The following NAV2 variants were observed in gnomAD, a reference collection of about 807,000 sequenced individuals.
The protein encoded by NAV2 is helicase, APC down-regulated 1.
NAV2 carries 54 observed loss-of-function variants against 223.2 expected under a neutral mutation model. The ratio of observed to expected loss-of-function variants is 0.24; its 90% CI spans 0.19 to 0.30. NAV2 has a LOEUF of 0.30. Among genes scored for constraint, NAV2 ranks in the 10% least tolerant of loss-of-function variants. The pLI, the probability that NAV2 is intolerant of heterozygous loss-of-function variation, is 1.00. For missense variants in NAV2, 2,806 were observed against 3,147.5 expected (o/e 0.89, Z 2.60); for synonymous variants, 1,279 against 1,239.3 (o/e 1.03, Z -0.67).
At chr11:20,109,380 A>G (rs988448015) in intron 36 of NAV2, among the ~76,000 whole-genome samples, 2 of 152,248 alleles carry the variant, frequency 1.3e-5, no homozygotes, top group African/African-American at 4.8e-5. Flanking sequence ...CTTTCATACA[A>G]GAAGGTATGA....
At chr11:19,651,296 G>A (rs2047962687) in intron 1 of NAV2, among the ~76,000 whole-genome samples, 1 of 152,230 alleles carries the variant, frequency 6.6e-6, no homozygotes, top group African/African-American at 2.4e-5. Flanking sequence ...TAAGAGCAGA[G>A]AGATTAAATA....
intron 1 of NAV2, among the ~76,000 whole-genome samples, chr11:19,558,161 A>T (rs2044967647): frequency 6.6e-6 from 1 of 152,218 alleles, no homozygotes; most frequent in South Asian, 2.1e-4. Flanking sequence ...TGATATGAGG[A>T]CTAAATGAAT....
chr11:19,716,206 T>C (rs2050296262), intron 1 of NAV2, among the ~76,000 whole-genome samples: 1 of 152,164 alleles, frequency 6.6e-6, no homozygotes, highest in Non-Finnish European at 1.5e-5. Flanking sequence ...GGCCCCTGAC[T>C]CCCCTTTTAT....
intron 17 of NAV2, among the ~76,000 whole-genome samples, chr11:20,051,606 T>G (rs1260344016): frequency 6.6e-6 from 1 of 152,218 alleles, no homozygotes; most frequent in Admixed American, 6.5e-5. Flanking sequence ...CAAGGAGCAG[T>G]CATTACTGCT....
At chr11:19,788,493 G>A (rs2057300248) in intron 1 of NAV2, among the ~76,000 whole-genome samples, 1 of 152,082 alleles carries the variant, frequency 6.6e-6, no homozygotes, top group African/African-American at 2.4e-5. Context: ...TCATAGACGA[G>A]GACACCTTCA....
At chr11:19,512,093 C>T (rs1487185) in intron 1 of NAV2, among the ~76,000 whole-genome samples, 74,398 of 151,952 alleles carry the variant, frequency 0.49, 18,624 homozygotes, top group Admixed American at 0.59. Flanking sequence ...CCAAAGGAAA[C>T]AGATAAACTC....
At chr11:19,525,336 C>T (rs1321739153) in intron 1 of NAV2, among the ~76,000 whole-genome samples, 1 of 152,208 alleles carries the variant, frequency 6.6e-6, no homozygotes, top group Non-Finnish European at 1.5e-5. Flanking sequence ...AATGCTCAGG[C>T]TTTGCTGTGT....
At chr11:20,023,760 A>AT (rs2054767702) in intron 11 of NAV2, among the ~76,000 whole-genome samples, 1 of 148,814 alleles carries the variant, frequency 6.7e-6, no homozygotes, top group African/African-American at 2.5e-5. Context: ...GAGAGATGGC[A>AT]TGGGAGGTTT....
intron 1 of NAV2, among the ~76,000 whole-genome samples, chr11:19,611,753 T>C (rs925758562): frequency 4.6e-5 from 7 of 152,198 alleles, no homozygotes; most frequent in Non-Finnish European, 1.0e-4. Flanking sequence ...CCAGCTGCTT[T>C]CACAGGCTGA....
chr11:19,907,528 G>C (rs61877297), intron 6 of NAV2, among the ~76,000 whole-genome samples: 1 of 25,524 alleles, frequency 3.9e-5, no homozygotes, highest in African/African-American at 1.0e-4. Flanking sequence ...CACTCATAGG[G>C]GGAGGGGGAA....
intron 32 of NAV2, among the ~76,000 whole-genome samples, chr11:20,102,398 A>C (rs1258016880): frequency 1.3e-5 from 2 of 152,164 alleles, no homozygotes; most frequent in South Asian, 4.1e-4. Context: ...AGACTGGGGC[A>C]GGCACCCAGG....
At chr11:19,370,245 T>A (rs535754025) in intron 1 of NAV2, among the ~76,000 whole-genome samples, 2 of 152,340 alleles carry the variant, frequency 1.3e-5, no homozygotes, top group East Asian at 3.9e-4. Context: ...AAATACCAAT[T>A]TGGCCTGAAT....
At chr11:19,705,088 G>GAAAGAAAT (rs1555002009) in intron 1 of NAV2, among the ~76,000 whole-genome samples, 13 of 147,762 alleles carry the variant, frequency 8.8e-5, no homozygotes, top group African/African-American at 2.8e-4. Context: ...TCAATTCGTA[G>GAAAGAAAT]AAATAAATAA....
chr11:19,767,220 A>G (rs55914653), intron 1 of NAV2, among the ~76,000 whole-genome samples: 137 of 152,316 alleles, frequency 9.0e-4, no homozygotes, highest in Non-Finnish European at 1.6e-3. Context: ...TGGGAATTTT[A>G]TGTCCTAGAT....
chr11:19,516,298 G>A (rs189657546), intron 1 of NAV2, among the ~76,000 whole-genome samples: 21 of 152,276 alleles, frequency 1.4e-4, no homozygotes, highest in African/African-American at 4.8e-4. Flanking sequence ...TAGTATTGAA[G>A]TTTGAGCCCC....
chr11:19,384,154 A>C (rs1055107841), intron 1 of NAV2, among the ~76,000 whole-genome samples: 1 of 152,264 alleles, frequency 6.6e-6, no homozygotes, highest in Non-Finnish European at 1.5e-5. Flanking sequence ...ATGTTCCATG[A>C]ACACATTTTT....
chr11:19,810,451 CTGT>C (rs1377377046), intron 1 of NAV2, among the ~76,000 whole-genome samples: 1 of 152,116 alleles, frequency 6.6e-6, no homozygotes, highest in Non-Finnish European at 1.5e-5. Flanking sequence ...TGCTACTGGG[CTGT>C]TGTTATTTTT....
intron 1 of NAV2, among the ~76,000 whole-genome samples, chr11:19,699,470 G>A (rs2049447730): frequency 6.6e-6 from 1 of 152,082 alleles, no homozygotes; most frequent in Admixed American, 6.5e-5. Flanking sequence ...GGATTTTGAA[G>A]AGTCAGAAAG....
intron 11 of NAV2, among the ~76,000 whole-genome samples, chr11:19,985,944 G>A (rs1005686694): frequency 3.1e-5 from 3 of 97,118 alleles, no homozygotes; most frequent in Non-Finnish European, 7.9e-5. Flanking sequence ...AATAATAACA[G>A]TAAAAAAAAA....
Sources: allele counts gnomAD v4.1 joint callset (sites outside exome capture counted in the v4.1 genomes callset), GRCh38; gene constraint gnomAD v4.1.1; transcripts MANE v1.5; gene names NCBI Gene and HGNC (gene_info 2026-07-23, HGNC 2026-07-21).